The following FBN2 variants were observed in gnomAD, a reference collection of about 807,000 sequenced individuals.
The protein encoded by FBN2 is fibrillin 2, also known as fibrillin-2.
A neutral mutation model predicts 355.6 loss-of-function variants in FBN2; 105 were observed. The ratio of observed to expected loss-of-function variants is 0.30; its 90% CI spans 0.25 to 0.35. The LOEUF (loss-of-function observed/expected upper bound fraction) is 0.35. Among genes scored for constraint, FBN2 ranks in the 10% least tolerant of loss-of-function variants. The probability of loss-of-function intolerance (pLI) is 1.00; values close to 1 mark genes in which losing one functional copy is unlikely to be tolerated. For missense variants in FBN2, 3,280 were observed against 3,758.7 expected (o/e 0.87, Z 3.33); for synonymous variants, 1,350 against 1,301.2 (o/e 1.04, Z -0.81).
At chr5:128,279,321 A>G (rs569932107) in intron 56 of FBN2, among the ~76,000 whole-genome samples, 1 of 152,218 alleles carries the variant, frequency 6.6e-6, no homozygotes, top group South Asian at 2.1e-4. Flanking sequence ...ATATAAATAA[A>G]ATTATTTTTT....
chr5:128,264,028 C>T (rs1359240342), intron 62 of FBN2, among the ~76,000 whole-genome samples: 2 of 151,970 alleles, frequency 1.3e-5, no homozygotes, highest in African/African-American at 2.4e-5. Flanking sequence ...CGGGGCCTGT[C>T]GGGAGGAAGA....
intron 5 of FBN2, among the ~76,000 whole-genome samples, chr5:128,483,525 C>T (rs911783143): frequency 4.6e-5 from 7 of 151,458 alleles, no homozygotes; most frequent in African/African-American, 1.7e-4. Context: ...TTAAATCTTG[C>T]AAGAGGCTGA....
chr5:128,458,827 A>G (rs1179671249), intron 6 of FBN2, among the ~76,000 whole-genome samples: 1 of 152,162 alleles, frequency 6.6e-6, no homozygotes, highest in East Asian at 1.9e-4. Flanking sequence ...ATAGCACTAA[A>G]TGCCCACATC....
In FBN2 at chr5:128,364,635, C is replaced by T. The variant is rs758907978; in HGVS notation, c.2393G>A (p.Gly798Asp). 2.5e-6 allele frequency: 4 copies of T among 1,613,548 alleles called. No homozygotes were observed. In the South Asian group the frequency reaches 3.3e-5, roughly 13 times the overall value. Residue 798 changes from glycine to aspartate, a missense_variant, in exon 18 of 65, where the codon GGC becomes GAC. By Grantham distance (94) the Gly-to-Asp change is moderately conservative. This residue lies in a region of FBN2 where 2,284 missense variants were observed against 2,749.5 expected (regional missense o/e 0.83). Transcript: ENST00000262464. ...TCTTCCAGAGGCATCTGGTTCATAG[C>T]CACTGTTGCAATTACAACGGTAACT... ...RGSYRCNCNS[G>D]YEPDASGRNC...
At chr5:128,466,985 C>CA (rs964834941) in intron 5 of FBN2, among the ~76,000 whole-genome samples, 10 of 150,960 alleles carry the variant, frequency 6.6e-5, no homozygotes, top group South Asian at 6.3e-4. Context: ...TGTTTTTTTG[C>CA]AAAAAAAATA....
At position 128,480,458 on chromosome 5, in the gene FBN2, C is replaced by A. The variant is rs567748351; in HGVS notation, c.629-15537G>T. Among the ~76,000 whole-genome samples the A allele has an allele frequency of 3.3e-5, 5 of 152,168 alleles. No individual in the cohort carries two copies. The South Asian group carries it at 1.0e-3, about 32-fold the overall frequency. ...TTCCTCATTTGTAGTATGGATATAA[C>A]AGGGGAGCTTTACTTATAGTGTATG... On this transcript the variant is annotated intron_variant, in intron 5 of 64. Transcript: ENST00000262464.
At chr5:128,331,360 G>A (rs1750687648) in intron 32 of FBN2, among the ~76,000 whole-genome samples, 1 of 152,106 alleles carries the variant, frequency 6.6e-6, no homozygotes, top group African/African-American at 2.4e-5. Context: ...TCCTTGCAGA[G>A]GGACGAGTGC....
At chr5:128,414,095 T>A (rs950967251) in intron 7 of FBN2, among the ~76,000 whole-genome samples, 3 of 152,210 alleles carry the variant, frequency 2.0e-5, no homozygotes, top group African/African-American at 7.2e-5. Flanking sequence ...GTATCAACTG[T>A]ACTCAGAATT....
chr5:128,405,596 T>G (rs1752906211), intron 8 of FBN2, among the ~76,000 whole-genome samples: 1 of 152,202 alleles, frequency 6.6e-6, no homozygotes, highest in African/African-American at 2.4e-5. Context: ...AACAAAAATA[T>G]GAATGCAAGT....
chr5:128,349,843 G>A (rs1561783925), intron 22 of FBN2, 112 bp downstream of exon 22: 1 of 844,900 alleles, frequency 1.2e-6, no homozygotes, highest in African/African-American at 1.7e-5. Flanking sequence ...TATTTTTATT[G>A]AAATGTCAAG....
At chr5:128,279,152 T>G (rs1383746673) in intron 56 of FBN2, among the ~76,000 whole-genome samples, 1 of 152,100 alleles carries the variant, frequency 6.6e-6, no homozygotes, top group Non-Finnish European at 1.5e-5. Context: ...AAAATCAAAT[T>G]AAATTATTTT....
chr5:128,491,059 T>A (rs980479598), intron 5 of FBN2, among the ~76,000 whole-genome samples: 5 of 139,136 alleles, frequency 3.6e-5, no homozygotes, highest in Admixed American at 3.4e-4. Context: ...GAGGATAGCA[T>A]CTTAAGTTCA....
chr5:128,459,389 C>T (rs1338211574), intron 6 of FBN2, among the ~76,000 whole-genome samples: 1 of 152,124 alleles, frequency 6.6e-6, no homozygotes. Flanking sequence ...GGAGCTGGTT[C>T]CATTCCTTCT....
At chr5:128,497,888 T>A (rs1755699745) in intron 5 of FBN2, among the ~76,000 whole-genome samples, 1 of 152,182 alleles carries the variant, frequency 6.6e-6, no homozygotes, top group Non-Finnish European at 1.5e-5. Context: ...ACATACTTAG[T>A]GAAATAACTC....
chr5:128,523,047 C>A (rs934151332), intron 4 of FBN2, among the ~76,000 whole-genome samples: 1 of 152,106 alleles, frequency 6.6e-6, no homozygotes, highest in African/African-American at 2.4e-5. Flanking sequence ...CATTTTTATT[C>A]AACAGATATT....
chr5:128,291,198 T>C lies in FBN2; in HGVS notation c.6293-314A>G, dbSNP rs183244932. Among the ~76,000 whole-genome samples, 128 of 152,198 alleles carry C rather than the reference T, an allele frequency of 8.4e-4. 1 individual carries two copies. Among genetic ancestry groups the C allele is most frequent in the African/African-American group, 2.9e-3 (122 of 41,532 alleles). On this transcript the variant is annotated intron_variant, in intron 49 of 64. Coordinates refer to ENST00000262464, the MANE Select transcript of FBN2 (RefSeq NM_001999.4). The stretch of plus-strand genomic sequence containing the variant: ...TCTAAGAAAAACAATCAAGGTAACT[T>C]TCAGTAAGTTACATCACATCAAAAG...
chr5:128,367,087 A>G (rs975587750), intron 16 of FBN2, among the ~76,000 whole-genome samples: 2 of 152,182 alleles, frequency 1.3e-5, no homozygotes, highest in Non-Finnish European at 2.9e-5. Flanking sequence ...TACTGGTGAA[A>G]TTAGGTTTGT....
At chr5:128,287,622 A>G (rs1349891356) in intron 53 of FBN2, among the ~76,000 whole-genome samples, 192 bp from the exon 54 acceptor site, 1 of 152,212 alleles carries the variant, frequency 6.6e-6, no homozygotes, top group Non-Finnish European at 1.5e-5. Flanking sequence ...CGGAAAGAAT[A>G]TAAAAAGTAC....
chr5:128,364,737 A>G lies in FBN2; in HGVS notation c.2303-12T>C, dbSNP rs1751723502. 6.2e-7 allele frequency: 1 copy of G among 1,608,758 alleles called. No individual in the cohort carries two copies. Among genetic ancestry groups the G allele is most frequent in the African/African-American group, 1.3e-5 (1 of 74,944 alleles). ...ACATTCATTGATATCTGCATTAAATATTGAAAGTTTAGTGCTATCAACAAA... is the reference window on the plus strand; with the variant it reads ...ACATTCATTGATATCTGCATTAAATGTTGAAAGTTTAGTGCTATCAACAAA... On this transcript the variant is annotated splice_polypyrimidine_tract_variant and intron_variant, in intron 17 of 64. Transcript: ENST00000262464.
Sources: gnomAD v4.1 joint callset for allele counts (sites outside exome capture counted in the v4.1 genomes callset) on GRCh38, gnomAD v4.1.1 for gene constraint, gnomAD v4.1.1 regional missense constraint, MANE v1.5 for transcripts, NCBI Gene and HGNC (gene_info 2026-07-23, HGNC 2026-07-21) for gene names.